The following NPL variants were observed in gnomAD, a reference collection of about 807,000 sequenced individuals.
NPL encodes the protein N-acetylneuraminate lyase.
A neutral mutation model predicts 41.1 loss-of-function variants in NPL; 32 were observed. The observed-to-expected ratio is 0.78, with a 90% CI of 0.59 to 1.05. The LOEUF (loss-of-function observed/expected upper bound fraction) is 1.05. Ranked by LOEUF, NPL falls within the 50% of genes least tolerant of loss-of-function variation. The pLI, the probability that NPL is intolerant of heterozygous loss-of-function variation, is 0.00. For missense variants in NPL, 321 were observed against 378.4 expected, an observed-to-expected ratio of 0.85 and a Z score of 1.26; for synonymous variants, 128 against 134.9, an observed-to-expected ratio of 0.95 and a Z score of 0.35.
At chr1:182,824,925 T>G (rs1389457109) in intron 11 of NPL, among the ~76,000 whole-genome samples, 1 of 152,252 alleles carries the variant, frequency 6.6e-6, no homozygotes, top group Admixed American at 6.5e-5. Flanking sequence ...TCAATACTAT[T>G]TTTGTTTTTA....
At chr1:182,797,179 A>G (rs1222609555) in intron 3 of NPL, among the ~76,000 whole-genome samples, 1 of 152,200 alleles carries the variant, frequency 6.6e-6, no homozygotes, top group African/African-American at 2.4e-5. Flanking sequence ...AAGAATGTAT[A>G]AAGTACCTAT....
chr1:182,813,467 A>G (rs1323506662), intron 6 of NPL, among the ~76,000 whole-genome samples: 5 of 152,206 alleles, frequency 3.3e-5, no homozygotes, highest in African/African-American at 1.2e-4. Context: ...TTCCTCTTAC[A>G]TTTGATTTGC....
At chr1:182,819,989 C>G (rs1367221197) in intron 10 of NPL, among the ~76,000 whole-genome samples, 1 of 152,226 alleles carries the variant, frequency 6.6e-6, no homozygotes, top group African/African-American at 2.4e-5. Flanking sequence ...AGATTATCTT[C>G]TATATGTGGT....
intron 3 of NPL, among the ~76,000 whole-genome samples, chr1:182,797,175 G>A (rs1487623832): frequency 6.6e-6 from 1 of 152,108 alleles, no homozygotes; most frequent in African/African-American, 2.4e-5. Flanking sequence ...AAATAAGAAT[G>A]TATAAAGTAC....
chr1:182,804,233 A>C (rs992933707), intron 4 of NPL, among the ~76,000 whole-genome samples: 1 of 152,094 alleles, frequency 6.6e-6, no homozygotes, highest in Non-Finnish European at 1.5e-5. Flanking sequence ...GGTTCAAGCA[A>C]TTCTCCTGCC....
In NPL at chr1:182,796,950, G is replaced by A. The variant is rs571914605; in HGVS notation, c.68+2511G>A. 7.3e-4 allele frequency among the ~76,000 whole-genome samples: 111 copies of A among 151,346 alleles called. No individual in the cohort carries two copies. The South Asian group carries it at 0.015, about 21-fold the overall frequency. On this transcript the variant is annotated intron_variant, in intron 3 of 12. Coordinates refer to ENST00000367553, the MANE Select transcript of NPL (RefSeq NM_030769.3). ...CTTAAGAGGCTGAGGCAGGAGAATC[G>A]CTTGAACCTGGGATGCAGAGGTTGC...
At chr1:182,819,093 G>C (rs187527788) in intron 10 of NPL, among the ~76,000 whole-genome samples, 1 of 152,212 alleles carries the variant, frequency 6.6e-6, no homozygotes, top group African/African-American at 2.4e-5. Flanking sequence ...GCCAAGGTGG[G>C]CAGATCACTT....
chr1:182,818,750 A>G (rs780651989), intron 9 of NPL, 61 bp downstream of exon 9: 10 of 1,613,458 alleles, frequency 6.2e-6, no homozygotes, highest in Admixed American at 1.7e-5. Context: ...TTGTGTAGCT[A>G]TATAGTAGCA....
rs1339658024 is a variant in NPL at position 182,828,823 on chromosome 1, C to T, written c.878C>T (p.Thr293Ile). 1.2e-6 allele frequency: 2 copies of T among 1,614,216 alleles called. No homozygotes were observed. Among genetic ancestry groups the T allele is most frequent in the African/African-American group, 1.3e-5 (1 of 75,060 alleles). Reference sequence around the variant, plus strand: ...CTGCAGAAAGCCTCCAGGGAGTTTACTGATAGTGCTGAAGCTAAACTGAAG... The same window carrying T: ...CTGCAGAAAGCCTCCAGGGAGTTTATTGATAGTGCTGAAGCTAAACTGAAG... The part of the protein sequence containing the change: ...LPLQKASREF[T>I]DSAEAKLKSL... The change falls in exon 13 of 13, where the codon ACT becomes ATT. Residue 293 changes from threonine (T) to isoleucine (I), a missense_variant. Thr to Ile is a moderately conservative substitution (Grantham distance 89, BLOSUM62 -1). Transcript: ENST00000367553. This position sits in a 1 kb window ranked among gnomAD's most constrained non-coding sequence, Gnocchi z 4.0.
rs41272520 is a variant in NPL at position 182,829,461 on chromosome 1, C to T, written c.*553C>T. 31,229 of 1,446,186 alleles carry T rather than the reference C, an allele frequency of 0.022. 418 individuals are homozygous for T. The highest frequency in any genetic ancestry group is 0.024 in the Non-Finnish European group (26,901 of 1,099,766). 89.6% of individuals were successfully genotyped at this position (1,446,186 alleles called of 1,614,324 possible). On this transcript the variant is annotated 3_prime_UTR_variant, in exon 13 of 13. Coordinates refer to ENST00000367553, the MANE Select transcript of NPL (RefSeq NM_030769.3). Reference sequence around the variant, plus strand: ...GATGCTTTTGAATTCATTTCGATGTCACCACTTTTCGCTCTTTAAAAACAC... The same window carrying T: ...GATGCTTTTGAATTCATTTCGATGTTACCACTTTTCGCTCTTTAAAAACAC...
Position 182,816,739 on chromosome 1 carries a change from A to G in NPL, c.390A>G (p.Glu130=). The G allele has an allele frequency of 1.9e-6, 3 of 1,612,842 alleles. No individual in the cohort carries two copies. The highest frequency in any genetic ancestry group is 2.5e-6 in the Non-Finnish European group (3 of 1,179,658). The part of the protein sequence containing the change: ...TKDILINFLK[E]VAAAAPALPF... ...ATATCCTGATTAATTTCCTAAAGGA[A>G]GTGGCTGCTGCCGCCCCTGCCCTGC... The change falls in exon 8 of 13, where the codon GAA becomes GAG. Residue 130 remains glutamate (E), a synonymous_variant. Transcript: ENST00000367553.
intron 6 of NPL, among the ~76,000 whole-genome samples, chr1:182,812,567 G>GT (rs1458454166): frequency 6.6e-6 from 1 of 152,214 alleles, no homozygotes; most frequent in East Asian, 1.9e-4. Context: ...AAAGGATAGA[G>GT]TAAAGGCTTG....
intron 12 of NPL, among the ~76,000 whole-genome samples, chr1:182,827,518 C>T (rs1175895709): frequency 6.6e-6 from 1 of 152,186 alleles, no homozygotes; most frequent in Non-Finnish European, 1.5e-5. Flanking sequence ...TTTAACATAT[C>T]TTTCTATGCT....
At chr1:182,808,332 G>A (rs1213372706) in intron 5 of NPL, among the ~76,000 whole-genome samples, 3 of 152,170 alleles carry the variant, frequency 2.0e-5, no homozygotes, top group Admixed American at 6.5e-5. Context: ...GTCAGCACAC[G>A]AAAGACTGAG....
intron 3 of NPL, among the ~76,000 whole-genome samples, chr1:182,802,346 T>C (rs1666872273): frequency 6.6e-6 from 1 of 152,268 alleles, no homozygotes; most frequent in African/African-American, 2.4e-5. Context: ...GCCTGTGCAT[T>C]CTTTGCATTT....
chr1:182,819,898 C>G (rs1469295548), intron 10 of NPL, among the ~76,000 whole-genome samples: 4 of 152,202 alleles, frequency 2.6e-5, no homozygotes, highest in African/African-American at 9.6e-5. Context: ...TGGGAAATCA[C>G]ATAGAACCTA....
chr1:182,822,299 C>T, intron 11 of NPL, 100 bp downstream of exon 11: 3 of 796,548 alleles, frequency 3.8e-6, no homozygotes, highest in Non-Finnish European at 6.6e-6. Context: ...ATTAAAATTG[C>T]CCAGCCACTT....
At chr1:182,793,601 A>G (rs1366438270) in intron 2 of NPL, among the ~76,000 whole-genome samples, 1 of 152,232 alleles carries the variant, frequency 6.6e-6, no homozygotes, top group Non-Finnish European at 1.5e-5. Context: ...GTGAATATGC[A>G]GTCTACATGG....
At chr1:182,799,732 CA>C (rs556336661) in intron 3 of NPL, among the ~76,000 whole-genome samples, 6,130 of 61,160 alleles carry the variant, frequency 0.1, 86 homozygotes, top group East Asian at 0.25. Context: ...ACCCTGTCTC[CA>C]AAAAAAAAAA....
Sources: allele counts gnomAD v4.1 joint callset (sites outside exome capture counted in the v4.1 genomes callset), GRCh38; gene constraint gnomAD v4.1.1; non-coding constraint Gnocchi (gnomAD v3.1); transcripts MANE v1.5; gene names NCBI Gene and HGNC (gene_info 2026-07-23, HGNC 2026-07-21).